The following NRXN1 variants were observed in gnomAD, a reference collection of about 807,000 sequenced individuals.
The protein encoded by NRXN1 is neurexin 1.
Under a neutral mutation model 150.9 loss-of-function variants are expected in NRXN1, and 39 were observed. The observed-to-expected ratio is 0.26, with a 90% confidence interval of 0.20 to 0.34. The LOEUF (loss-of-function observed/expected upper bound fraction) is 0.34. Ranked by LOEUF, NRXN1 falls within the 10% of genes least tolerant of loss-of-function variation. The pLI is 1.00. For synonymous variants in NRXN1, 924 were observed against 757.0 expected, an observed-to-expected ratio of 1.22 and a Z score of -3.62; for missense variants, 1,815 against 1,949.9, an observed-to-expected ratio of 0.93 and a Z score of 1.30.
intron 19 of NRXN1, among the ~76,000 whole-genome samples, chr2:50,061,255 C>A (rs901139539): frequency 6.6e-6 from 1 of 152,054 alleles, no homozygotes; most frequent in Admixed American, 6.6e-5. Flanking sequence ...ACATCTAGAC[C>A]TTACATGCAA....
At chr2:50,544,108 T>A (rs1407300513) in intron 9 of NRXN1, among the ~76,000 whole-genome samples, 1 of 152,110 alleles carries the variant, frequency 6.6e-6, no homozygotes, top group African/African-American at 2.4e-5. Flanking sequence ...GTCAATTTTA[T>A]CTATACTTAA....
intron 2 of NRXN1, among the ~76,000 whole-genome samples, chr2:50,984,822 G>C (rs1221018421): frequency 1.3e-5 from 2 of 152,002 alleles, no homozygotes; most frequent in African/African-American, 4.8e-5. Flanking sequence ...TGTGAATAGA[G>C]AAACCGCTTA....
intron 17 of NRXN1, among the ~76,000 whole-genome samples, chr2:50,340,213 A>G (rs1356724017): frequency 3.9e-5 from 6 of 152,208 alleles, no homozygotes; most frequent in Admixed American, 6.5e-5. Context: ...CTTAAAAGAT[A>G]GCTGTTTTCA....
intron 17 of NRXN1, among the ~76,000 whole-genome samples, chr2:50,453,566 T>A (rs980542670): frequency 3.3e-5 from 5 of 152,234 alleles, no homozygotes; most frequent in African/African-American, 1.2e-4. Flanking sequence ...TACTAAAATA[T>A]TGAACCAAAA....
At chr2:51,002,741 T>C (rs922943310) in intron 2 of NRXN1, among the ~76,000 whole-genome samples, 4 of 151,956 alleles carry the variant, frequency 2.6e-5, no homozygotes, top group African/African-American at 9.7e-5. Flanking sequence ...TTTTCTTTGC[T>C]ACTTAAAAAT....
chr2:50,701,567 A>G (rs1426463869), intron 5 of NRXN1, among the ~76,000 whole-genome samples: 1 of 152,174 alleles, frequency 6.6e-6, no homozygotes, highest in Non-Finnish European at 1.5e-5. Context: ...CTCTGTTAGC[A>G]CATGATTACC....
chr2:49,925,295 AAAAG>A (rs1266446407), intron 22 of NRXN1, among the ~76,000 whole-genome samples: 17 of 151,880 alleles, frequency 1.1e-4, no homozygotes, highest in South Asian at 1.0e-3. Flanking sequence ...AAAAAAAAAA[AAAAG>A]AAAGAAAGAA....
chr2:50,249,546 G>A (rs186802853), intron 17 of NRXN1, among the ~76,000 whole-genome samples: 1 of 152,010 alleles, frequency 6.6e-6, no homozygotes, highest in African/African-American at 2.4e-5. Context: ...CACCATGCTA[G>A]ATCCTGATGA....
chr2:50,738,678 G>T (rs1410175010), intron 5 of NRXN1, among the ~76,000 whole-genome samples: 1 of 152,102 alleles, frequency 6.6e-6, no homozygotes, highest in Non-Finnish European at 1.5e-5. Context: ...TTGGGGAGTG[G>T]GAGGAGGAAA....
At chr2:50,792,118 T>G (rs778233206) in intron 5 of NRXN1, among the ~76,000 whole-genome samples, 64 of 152,278 alleles carry the variant, frequency 4.2e-4, no homozygotes, top group Admixed American at 7.2e-4. Flanking sequence ...TCAGGGTCTC[T>G]ATAACTAATT....
intron 18 of NRXN1, among the ~76,000 whole-genome samples, chr2:50,187,586 T>C (rs1053098964): frequency 6.6e-6 from 1 of 152,162 alleles, no homozygotes; most frequent in Admixed American, 6.6e-5. Context: ...CTTTTTTGGA[T>C]CCATATAAAA....
At chr2:50,236,109 T>A (rs528704264) in intron 18 of NRXN1, among the ~76,000 whole-genome samples, 6 of 152,044 alleles carry the variant, frequency 3.9e-5, no homozygotes, top group African/African-American at 1.4e-4. Context: ...CAAAGGAAAA[T>A]GAAGTTTTTC....
chr2:50,379,037 C>T (rs7602572), intron 17 of NRXN1, among the ~76,000 whole-genome samples: 82,688 of 151,876 alleles, frequency 0.54, 24,122 homozygotes, highest in East Asian at 0.92. Flanking sequence ...ATCTGTCATG[C>T]AGCAGGCATT....
At chr2:50,675,051 G>A (rs923662258) in intron 5 of NRXN1, among the ~76,000 whole-genome samples, 3 of 151,792 alleles carry the variant, frequency 2.0e-5, no homozygotes, top group Non-Finnish European at 4.4e-5. Flanking sequence ...CTTCCCTCTC[G>A]CTCCTGCTCT....
chr2:50,135,678 A>G (rs61035060), intron 18 of NRXN1, among the ~76,000 whole-genome samples: 43,172 of 151,994 alleles, frequency 0.28, 7,657 homozygotes, highest in African/African-American at 0.48. Flanking sequence ...GCGACAGAGC[A>G]AGACTCCATC....
chr2:50,327,199 G>A (rs1477900691), intron 17 of NRXN1, among the ~76,000 whole-genome samples: 1 of 152,150 alleles, frequency 6.6e-6, no homozygotes, highest in East Asian at 1.9e-4. Flanking sequence ...AATGGAATAT[G>A]ACTCAGAAAT....
intron 5 of NRXN1, among the ~76,000 whole-genome samples, chr2:50,711,220 T>C (rs1369765505): frequency 2.0e-5 from 3 of 152,110 alleles, no homozygotes; most frequent in Non-Finnish European, 2.9e-5. Context: ...GGAATGTTTA[T>C]TGAAAAACCA....
At chr2:50,769,030 A>T (rs1281360535) in intron 5 of NRXN1, among the ~76,000 whole-genome samples, 1 of 152,106 alleles carries the variant, frequency 6.6e-6, no homozygotes. Context: ...TAAAGAAAGT[A>T]GCAAGTGTTA....
At chr2:50,686,054 C>T (rs1268918129) in intron 5 of NRXN1, among the ~76,000 whole-genome samples, 1 of 152,086 alleles carries the variant, frequency 6.6e-6, no homozygotes, top group African/African-American at 2.4e-5. Context: ...TCTCTTTCTG[C>T]TGTCTATGGT....
Sources: allele counts gnomAD v4.1 joint callset (sites outside exome capture counted in the v4.1 genomes callset), GRCh38; gene constraint gnomAD v4.1.1; transcripts MANE v1.5; gene names NCBI Gene and HGNC (gene_info 2026-07-23, HGNC 2026-07-21).